The following ARHGEF28 variants were observed in gnomAD, a reference collection of about 807,000 sequenced individuals.
The protein encoded by ARHGEF28 is 190 kDa guanine nucleotide exchange factor.
ARHGEF28 carries 152 observed loss-of-function variants against 206.6 expected under a neutral mutation model. That is an observed-to-expected ratio of 0.74 (90% confidence interval 0.64 to 0.84). The LOEUF is 0.84. ARHGEF28 is among the 40% of genes least tolerant of loss of function. The pLI is 0.00. For synonymous variants in ARHGEF28, 763 were observed against 776.4 expected (o/e 0.98, Z 0.29); for missense variants, 2,028 against 2,073.2 (o/e 0.98, Z 0.42).
intron 4 of ARHGEF28, among the ~76,000 whole-genome samples, chr5:73,759,691 C>T (rs1486785424): frequency 1.3e-5 from 2 of 151,990 alleles, no homozygotes; most frequent in African/African-American, 2.4e-5. Flanking sequence ...CTTGATTGTT[C>T]GGTGTTCACT....
intron 1 of ARHGEF28, among the ~76,000 whole-genome samples, chr5:73,666,666 T>A (rs1240433933): frequency 6.6e-6 from 1 of 152,184 alleles, no homozygotes; most frequent in Non-Finnish European, 1.5e-5. Flanking sequence ...TGAAGAACTT[T>A]ATTTCTCATA....
intron 2 of ARHGEF28, among the ~76,000 whole-genome samples, chr5:73,700,942 CTT>C (rs1164405890): frequency 2.0e-5 from 3 of 152,154 alleles, no homozygotes; most frequent in Admixed American, 2.0e-4. Flanking sequence ...AGTTAAATAA[CTT>C]TTTCAGTGGG....
chr5:73,738,326 T>C (rs1222934367), intron 2 of ARHGEF28, among the ~76,000 whole-genome samples: 1 of 152,200 alleles, frequency 6.6e-6, no homozygotes, highest in Non-Finnish European at 1.5e-5. Context: ...CAGTTTGCTG[T>C]AATGTAAGGG....
chr5:73,858,786 A>G (rs1334949985), intron 16 of ARHGEF28, among the ~76,000 whole-genome samples: 2 of 152,204 alleles, frequency 1.3e-5, no homozygotes, highest in African/African-American at 4.8e-5. Context: ...TGGTAAAGGC[A>G]TATATCACTG....
intron 2 of ARHGEF28, among the ~76,000 whole-genome samples, chr5:73,728,849 G>A (rs562651395): frequency 2.6e-5 from 4 of 152,230 alleles, no homozygotes; most frequent in Non-Finnish European, 5.9e-5. Flanking sequence ...CCATAGGTGT[G>A]TGAACTTGCC....
At chr5:73,742,741 G>A (rs1225601823) in intron 2 of ARHGEF28, among the ~76,000 whole-genome samples, 2 of 149,618 alleles carry the variant, frequency 1.3e-5, no homozygotes, top group Non-Finnish European at 3.0e-5. Context: ...GGAGAATGGC[G>A]TGAACCCGGG....
In ARHGEF28 at chr5:73,846,341, C is replaced by G. The variant is rs1359655444; in HGVS notation, c.1501C>G (p.Pro501Ala). 1.4e-5 allele frequency: 23 copies of G among 1,613,732 alleles called. No individual in the cohort carries two copies. The highest frequency in any genetic ancestry group is 1.8e-5 in the Non-Finnish European group (21 of 1,179,824). Residue 501 changes from proline (P) to alanine (A), a missense_variant, in exon 12 of 36, where the codon CCA (proline) becomes GCA (alanine). Around this residue, in one of 3 missense-constraint regions of ARHGEF28, gnomAD observed 1,002 missense variants for 1,015.3 expected, o/e 0.99. Transcript: ENST00000513042. The part of the protein sequence containing the change: ...HSEPSHICYT[P>A]GSQSSSRTGI... ...TGAGCCATCCCACATCTGTTACACTCCAGGGTCTCAGAGCTCCTCAAGAAC... is the reference window on the plus strand; with the variant it reads ...TGAGCCATCCCACATCTGTTACACTGCAGGGTCTCAGAGCTCCTCAAGAAC...
chr5:73,836,237 T>C (rs1757625030), intron 10 of ARHGEF28, among the ~76,000 whole-genome samples: 1 of 151,964 alleles, frequency 6.6e-6, no homozygotes, highest in East Asian at 1.9e-4. Flanking sequence ...TGTTTTCCAC[T>C]GTGGCTGTGC....
intron 2 of ARHGEF28, among the ~76,000 whole-genome samples, chr5:73,739,617 A>C (rs1751237951): frequency 6.6e-6 from 1 of 151,682 alleles, no homozygotes; most frequent in Non-Finnish European, 1.5e-5. Context: ...CCAGGAGTTC[A>C]GGACCAGCCT....
chr5:73,657,632 G>A (rs1171263623), intron 1 of ARHGEF28, among the ~76,000 whole-genome samples: 7 of 152,106 alleles, frequency 4.6e-5, no homozygotes, highest in African/African-American at 1.4e-4. Flanking sequence ...CTGTAATTGT[G>A]AGTTAACCCC....
At chr5:73,635,435 C>A (rs1193421306) in intron 1 of ARHGEF28, among the ~76,000 whole-genome samples, 1 of 152,150 alleles carries the variant, frequency 6.6e-6, no homozygotes, top group Admixed American at 6.5e-5. Flanking sequence ...TGGCTTTAGT[C>A]TTGAGCTCAT....
chr5:73,634,650 A>T (rs1399853937), intron 1 of ARHGEF28, among the ~76,000 whole-genome samples: 1 of 152,208 alleles, frequency 6.6e-6, no homozygotes, highest in African/African-American at 2.4e-5. Flanking sequence ...TATGGTTAGG[A>T]AATCTCATCA....
chr5:73,740,273 T>C lies in ARHGEF28; in HGVS notation c.34-9564T>C, dbSNP rs377416186. 6.0e-4 allele frequency among the ~76,000 whole-genome samples: 92 copies of C among 152,198 alleles called. 2 individuals are homozygous for C. The highest frequency in any genetic ancestry group is 2.1e-3 in the African/African-American group (86 of 41,540). Reference sequence around the variant, plus strand: ...GTTAGGTCCCCCATTTTAAAAAATATTGAAGCAATTAATCAATCTAGAATT... The same window carrying C: ...GTTAGGTCCCCCATTTTAAAAAATACTGAAGCAATTAATCAATCTAGAATT... On this transcript the variant is annotated intron_variant, in intron 2 of 35. Transcript: ENST00000513042.
chr5:73,645,659 A>T (rs1744380317), intron 1 of ARHGEF28, among the ~76,000 whole-genome samples: 2 of 152,226 alleles, frequency 1.3e-5, no homozygotes, highest in African/African-American at 4.8e-5. Context: ...ATTACTAACA[A>T]AATTAATGCA....
chr5:73,925,257 C>T (rs1439662356), intron 35 of ARHGEF28, among the ~76,000 whole-genome samples: 2 of 152,166 alleles, frequency 1.3e-5, no homozygotes, highest in Non-Finnish European at 2.9e-5. Context: ...TCGGCTCATG[C>T]TGTTCTCTCC....
intron 4 of ARHGEF28, among the ~76,000 whole-genome samples, chr5:73,762,582 A>G (rs1012200243): frequency 6.6e-6 from 1 of 152,122 alleles, no homozygotes; most frequent in African/African-American, 2.4e-5. Context: ...ATACAGGTAT[A>G]TAAGTATTAC....
At position 73,684,920 on chromosome 5, in the gene ARHGEF28, G is replaced by A. The variant is rs556529844; in HGVS notation, c.33+36G>A. 7 of 1,606,944 alleles carry A rather than the reference G, an allele frequency of 4.4e-6. No individual in the cohort carries two copies. In the East Asian group the frequency reaches 1.3e-4, roughly 31 times the overall value. On this transcript the variant is annotated intron_variant, in intron 2 of 35. Coordinates refer to ENST00000513042, the MANE Select transcript of ARHGEF28 (RefSeq NM_001177693.2). Reference sequence around the variant, plus strand: ...AAGCACGGGGCTTCAGGTCCAAGGGGCCCTTTCTTAACTCCAAACCATGTG... The same window carrying A: ...AAGCACGGGGCTTCAGGTCCAAGGGACCCTTTCTTAACTCCAAACCATGTG...
At chr5:73,876,861 TG>T (rs1760531720) in intron 22 of ARHGEF28, among the ~76,000 whole-genome samples, 1 of 142,640 alleles carries the variant, frequency 7.0e-6, no homozygotes, top group Non-Finnish European at 1.5e-5. Flanking sequence ...GTGTTCATCA[TG>T]GATATTGGTC....
intron 7 of ARHGEF28, among the ~76,000 whole-genome samples, chr5:73,793,340 A>G (rs1257590606): frequency 1.3e-5 from 2 of 152,216 alleles, no homozygotes; most frequent in Non-Finnish European, 2.9e-5. Flanking sequence ...CATATAAATG[A>G]ATACCTTATA....
Sources: allele counts gnomAD v4.1 joint callset (sites outside exome capture counted in the v4.1 genomes callset), GRCh38; gene constraint gnomAD v4.1.1; regional missense constraint gnomAD v4.1.1; transcripts MANE v1.5; gene names NCBI Gene and HGNC (gene_info 2026-07-23, HGNC 2026-07-21).